The following PMFBP1 variants were observed in gnomAD, a reference collection of about 807,000 sequenced individuals.
PMFBP1 encodes polyamine-modulated factor 1-binding protein 1.
A neutral mutation model predicts 137.8 loss-of-function variants in PMFBP1; 131 were observed. The ratio of observed to expected loss-of-function variants is 0.95; its 90% CI spans 0.82 to 1.10. The LOEUF is 1.10. PMFBP1 is among the 50% of genes least tolerant of loss of function. The pLI is 0.00. For synonymous variants in PMFBP1, 490 were observed against 450.4 expected, an observed-to-expected ratio of 1.09 and a Z score of -1.11; for missense variants, 1,199 against 1,175.4, an observed-to-expected ratio of 1.02 and a Z score of -0.29.
At chr16:72,158,394 T>C (rs987507624) in intron 3 of PMFBP1, among the ~76,000 whole-genome samples, 1 of 152,224 alleles carries the variant, frequency 6.6e-6, no homozygotes, top group Non-Finnish European at 1.5e-5. Context: ...AGGGCTTTCA[T>C]TCTTTTCAAG....
At chr16:72,213,792 G>A in the PMFBP1 span, among the ~76,000 whole-genome samples, 8 of 152,196 alleles carry the variant, frequency 5.3e-5, no homozygotes, top group African/African-American at 1.7e-4. Flanking sequence ...ATCTTTTGGG[G>A]AAGAGATCAA....
the PMFBP1 span, among the ~76,000 whole-genome samples, chr16:72,195,860 G>C: frequency 6.6e-6 from 1 of 152,188 alleles, no homozygotes; most frequent in African/African-American, 2.4e-5. Flanking sequence ...TGGCTGAGTA[G>C]GGCCTGCAGG....
the PMFBP1 span, among the ~76,000 whole-genome samples, chr16:72,196,961 G>C: frequency 6.6e-6 from 1 of 152,188 alleles, no homozygotes; most frequent in Non-Finnish European, 1.5e-5. Flanking sequence ...AGATTCTCAG[G>C]TCTCTGCCCT....
intron 20 of PMFBP1, 135 bp downstream of exon 20, chr16:72,119,716 G>T: frequency 6.7e-7 from 1 of 1,496,942 alleles, no homozygotes; most frequent in Admixed American, 2.5e-5. Context: ...TGAAAACAAC[G>T]ATCTTTGGTC....
At chr16:72,191,816 G>C in the PMFBP1 span, among the ~76,000 whole-genome samples, 1 of 152,306 alleles carries the variant, frequency 6.6e-6, no homozygotes, top group Admixed American at 6.5e-5. Flanking sequence ...AGCTAGTAAA[G>C]TATCGGGCCT....
chr16:72,185,027 CTT>C, the PMFBP1 span, among the ~76,000 whole-genome samples: 5 of 143,856 alleles, frequency 3.5e-5, no homozygotes, highest in Admixed American at 6.9e-5. Context: ...GTCCTGTTTT[CTT>C]TTTTTTTTTT....
At chr16:72,228,835 T>C in the PMFBP1 span, among the ~76,000 whole-genome samples, 2 of 138,872 alleles carry the variant, frequency 1.4e-5, no homozygotes, top group Non-Finnish European at 3.1e-5. Flanking sequence ...CTTTATATAT[T>C]ACTTTTTTTT....
chr16:72,239,915 A>AAAAAAAAAAAAAAG, the PMFBP1 span, among the ~76,000 whole-genome samples: 32 of 145,136 alleles, frequency 2.2e-4, no homozygotes, highest in South Asian at 4.3e-4. Context: ...AAAAAAAAAA[A>AAAAAAAAAAAAAAG]AAGAATGTTC....
chr16:72,141,794 G>A (rs1425928289), intron 5 of PMFBP1, among the ~76,000 whole-genome samples: 1 of 151,710 alleles, frequency 6.6e-6, no homozygotes, highest in African/African-American at 2.4e-5. Context: ...TAAATTCATA[G>A]AAGTAGGACT....
intron 12 of PMFBP1, among the ~76,000 whole-genome samples, 192 bp downstream of exon 12, chr16:72,130,021 A>ATTT (rs34309753): frequency 7.1e-6 from 1 of 140,904 alleles, no homozygotes; most frequent in South Asian, 2.3e-4. Context: ...TAATGTTTGT[A>ATTT]TTTTTTTTTT....
chr16:72,153,715 T>C (rs570623862), intron 4 of PMFBP1, among the ~76,000 whole-genome samples: 1 of 149,412 alleles, frequency 6.7e-6, no homozygotes, highest in South Asian at 2.2e-4. Context: ...CTGAAAAAAT[T>C]ACCTGGTACT....
chr16:72,118,666 A>C (rs1193061406), downstream of PMFBP1, among the ~76,000 whole-genome samples: 3 of 152,200 alleles, frequency 2.0e-5, no homozygotes, highest in African/African-American at 7.2e-5. Context: ...AGCTGTCCTT[A>C]GAGTTTGTCA....
the PMFBP1 span, among the ~76,000 whole-genome samples, chr16:72,191,932 C>T: frequency 6.6e-6 from 1 of 152,218 alleles, no homozygotes; most frequent in African/African-American, 2.4e-5. Flanking sequence ...ATGCATAATC[C>T]CCACTCTGTA....
chr16:72,221,792 G>A, the PMFBP1 span, among the ~76,000 whole-genome samples: 1 of 152,220 alleles, frequency 6.6e-6, no homozygotes, highest in Non-Finnish European at 1.5e-5. Flanking sequence ...TACTTCATAT[G>A]TCATACTTTA....
At chr16:72,166,349 C>T (rs1024498036) in intron 2 of PMFBP1, among the ~76,000 whole-genome samples, 5 of 152,276 alleles carry the variant, frequency 3.3e-5, no homozygotes, top group Non-Finnish European at 5.9e-5. Context: ...TAAGATGTGC[C>T]TTGCTTCCCC....
chr16:72,225,878 T>A, the PMFBP1 span, among the ~76,000 whole-genome samples: 1 of 151,418 alleles, frequency 6.6e-6, no homozygotes, highest in Non-Finnish European at 1.5e-5. Context: ...GGTTAATTCT[T>A]ATACCTGACA....
the PMFBP1 span, among the ~76,000 whole-genome samples, chr16:72,244,937 T>C: frequency 9.3e-4 from 141 of 152,306 alleles, no homozygotes; most frequent in Non-Finnish European, 1.8e-3. Context: ...GGGGCCCCGC[T>C]GCGTGATGCT....
chr16:72,123,689 G>A lies in PMFBP1; in HGVS notation c.2590-40C>T, dbSNP rs1321766523. The A allele has an allele frequency of 3.2e-6, 5 of 1,562,194 alleles. No homozygotes were observed. In the African/African-American group the frequency reaches 4.1e-5, roughly 13 times the overall value. On this transcript the variant is annotated intron_variant, in intron 17 of 20. Transcript: ENST00000237353. ...GAAAACGAGACAGTCAGAGGTGGGA[G>A]CACAGGCCTGTCAGCCCTCCTTCCG...
chr16:72,197,483 T>TG, the PMFBP1 span, among the ~76,000 whole-genome samples: 3 of 152,142 alleles, frequency 2.0e-5, no homozygotes, highest in African/African-American at 7.2e-5. Flanking sequence ...CTAAAAGGGC[T>TG]GGGGGTACCC....
Sources: gnomAD v4.1 joint callset for allele counts (sites outside exome capture counted in the v4.1 genomes callset) on GRCh38, gnomAD v4.1.1 for gene constraint, MANE v1.5 for transcripts, NCBI Gene and HGNC (gene_info 2026-07-23, HGNC 2026-07-21) for gene names.